MTHFD2L: variants seen among roughly 807,000 people sequenced by gnomAD.
MTHFD2L encodes the protein bifunctional methylenetetrahydrofolate dehydrogenase/cyclohydrolase 2, mitochondrial.
MTHFD2L carries 29 observed loss-of-function variants against 34.9 expected under a neutral mutation model. That is an observed-to-expected ratio of 0.83 (90% confidence interval 0.62 to 1.13). MTHFD2L has a LOEUF of 1.13. Ranked by LOEUF, MTHFD2L falls within the 50% of genes most tolerant of loss-of-function variation. The probability of loss-of-function intolerance (pLI) is 0.00; values close to 1 mark genes in which losing one functional copy is unlikely to be tolerated. For synonymous variants in MTHFD2L, 167 were observed against 155.7 expected, an observed-to-expected ratio of 1.07 and a Z score of -0.54; for missense variants, 481 against 446.5, an observed-to-expected ratio of 1.08 and a Z score of -0.70.
In MTHFD2L at chr4:74,235,598, C is replaced by T. The variant is rs574459638; in HGVS notation, c.805+10204C>T. Among the ~76,000 whole-genome samples, 8 of 152,066 alleles carry T rather than the reference C, an allele frequency of 5.3e-5. No homozygotes were observed. The East Asian group carries it at 1.4e-3, about 26-fold the overall frequency. ...TCATTAATATCAGGGATATTGGACA[C>T]GAATTCATGGATAAAACCATCTAGA... On this transcript the variant is annotated intron_variant, in intron 6 of 7. Coordinates refer to ENST00000325278, the MANE Select transcript of MTHFD2L (RefSeq NM_001144978.3).
chr4:74,218,480 G>C (rs1022945511), intron 5 of MTHFD2L, among the ~76,000 whole-genome samples: 2 of 152,038 alleles, frequency 1.3e-5, no homozygotes, highest in Non-Finnish European at 2.9e-5. Context: ...TTTTGCAAGG[G>C]CGCGGCCAAG....
chr4:74,258,664 T>C (rs1044304879), intron 6 of MTHFD2L, among the ~76,000 whole-genome samples: 1 of 152,156 alleles, frequency 6.6e-6, no homozygotes, highest in Admixed American at 6.5e-5. Context: ...ACATAAAATT[T>C]ATGGAATCGA....
intron 7 of MTHFD2L, among the ~76,000 whole-genome samples, chr4:74,290,866 C>T (rs983947781): frequency 1.8e-4 from 27 of 151,968 alleles, no homozygotes; most frequent in Non-Finnish European, 1.5e-4. Context: ...CTTCTCCTGA[C>T]TCTCCTTACA....
intron 6 of MTHFD2L, among the ~76,000 whole-genome samples, chr4:74,234,074 C>T (rs1009234113): frequency 2.6e-5 from 4 of 152,008 alleles, no homozygotes; most frequent in Non-Finnish European, 5.9e-5. Context: ...TGGAAATATA[C>T]TTTAGATGGT....
At chr4:74,283,241 T>C (rs1368070534) in intron 7 of MTHFD2L, among the ~76,000 whole-genome samples, 1 of 152,174 alleles carries the variant, frequency 6.6e-6, no homozygotes, top group African/African-American at 2.4e-5. Flanking sequence ...GAGTATTTTT[T>C]TGGTCTCATG....
chr4:74,118,926 T>C (rs970652883), upstream of MTHFD2L, among the ~76,000 whole-genome samples: 6 of 152,192 alleles, frequency 3.9e-5, no homozygotes, highest in African/African-American at 1.4e-4. Flanking sequence ...GCATGCTCCT[T>C]ATAAAGTCTA....
intron 6 of MTHFD2L, among the ~76,000 whole-genome samples, chr4:74,239,343 G>T (rs184154912): frequency 6.6e-6 from 1 of 152,034 alleles, no homozygotes; most frequent in African/African-American, 2.4e-5. Context: ...CGTAGTTTGG[G>T]GGGGCAGAGG....
rs568465343 is a variant in MTHFD2L, at chr4:74,259,904, A to G, written c.806-21521A>G. Among the ~76,000 whole-genome samples, 19 of 152,324 alleles carry G rather than the reference A, an allele frequency of 1.2e-4. No homozygotes were observed. In the South Asian group the frequency reaches 3.9e-3, roughly 32 times the overall value. On this transcript the variant is annotated intron_variant, in intron 6 of 7. Coordinates refer to ENST00000325278, the MANE Select transcript of MTHFD2L (RefSeq NM_001144978.3). ...GAAACAGTAGAGCAATCAATTGACA[A>G]TGGAGCCTAAAATTAGGTGTGATAC...
At chr4:74,278,548 C>T (rs1207565397) in intron 6 of MTHFD2L, among the ~76,000 whole-genome samples, 3 of 152,118 alleles carry the variant, frequency 2.0e-5, no homozygotes, top group Non-Finnish European at 4.4e-5. Context: ...GTGACCTTGA[C>T]TCACTCATTT....
intron 5 of MTHFD2L, among the ~76,000 whole-genome samples, chr4:74,220,203 A>C (rs1288598487): frequency 6.6e-6 from 1 of 151,972 alleles, no homozygotes; most frequent in Non-Finnish European, 1.5e-5. Flanking sequence ...CAGGACTAAA[A>C]CAGAGATGGG....
intron 3 of MTHFD2L, 68 bp from the exon 4 acceptor site, chr4:74,199,726 G>A: frequency 7.3e-7 from 1 of 1,363,288 alleles, no homozygotes; most frequent in Non-Finnish European, 1.0e-6. Context: ...TAGATTCTCA[G>A]ATTTCATTTT....
At chr4:74,256,901 C>T (rs1744097592) in intron 6 of MTHFD2L, among the ~76,000 whole-genome samples, 1 of 152,076 alleles carries the variant, frequency 6.6e-6, no homozygotes, top group Admixed American at 6.6e-5. Context: ...GTGATGCTTC[C>T]AGCTTTGTTC....
At chr4:74,262,342 A>G (rs1744781774) in intron 6 of MTHFD2L, among the ~76,000 whole-genome samples, 1 of 151,926 alleles carries the variant, frequency 6.6e-6, no homozygotes, top group South Asian at 2.1e-4. Flanking sequence ...TTTTCTTAGA[A>G]AAGATACACA....
chr4:74,200,067 G>A lies in MTHFD2L; in HGVS notation c.604+121G>A, dbSNP rs776769583. On this transcript the variant is annotated intron_variant, in intron 4 of 7. Coordinates refer to ENST00000325278, the MANE Select transcript of MTHFD2L (RefSeq NM_001144978.3). Reference sequence around the variant, plus strand: ...GACAGAAAATCATAATCCATAAAACGTCAGTGTACAGAGAGATATAAAATT... The same window carrying A: ...GACAGAAAATCATAATCCATAAAACATCAGTGTACAGAGAGATATAAAATT... 57 of 834,804 alleles carry A rather than the reference G, an allele frequency of 6.8e-5. No homozygotes were observed. The Middle Eastern group carries it at 9.5e-4, about 14-fold the overall frequency. 51.7% of individuals were successfully genotyped at this position (834,804 alleles called of 1,614,324 possible).
chr4:74,243,626 GTTTC>G, intron 6 of MTHFD2L, among the ~76,000 whole-genome samples: 1 of 151,840 alleles, frequency 6.6e-6, no homozygotes, highest in East Asian at 1.9e-4. Context: ...CCTGTTCAGA[GTTTC>G]TTTCTCTGCA....
chr4:74,274,334 A>G (rs1336046821), intron 6 of MTHFD2L, among the ~76,000 whole-genome samples: 1 of 152,214 alleles, frequency 6.6e-6, no homozygotes, highest in Non-Finnish European at 1.5e-5. Context: ...ATTCCTTAAA[A>G]AGGGCTTCTT....
upstream of MTHFD2L, among the ~76,000 whole-genome samples, chr4:74,119,147 G>A (rs1330443116): frequency 1.3e-5 from 2 of 152,136 alleles, no homozygotes; most frequent in African/African-American, 4.8e-5. Flanking sequence ...GTGCGTTGAT[G>A]TACTTCAACT....
intron 7 of MTHFD2L, among the ~76,000 whole-genome samples, chr4:74,296,660 C>T (rs896838458): frequency 6.6e-6 from 1 of 152,078 alleles, no homozygotes; most frequent in African/African-American, 2.4e-5. Flanking sequence ...ATATGTATAA[C>T]ATTCCTTTCC....
intron 5 of MTHFD2L, among the ~76,000 whole-genome samples, chr4:74,202,854 A>C (rs1333848771): frequency 1.3e-5 from 2 of 152,172 alleles, no homozygotes; most frequent in African/African-American, 4.8e-5. Flanking sequence ...CTATGTGCTC[A>C]TCATGTACAG....
Sources: gnomAD v4.1 joint callset for allele counts (sites outside exome capture counted in the v4.1 genomes callset) on GRCh38, gnomAD v4.1.1 for gene constraint, MANE v1.5 for transcripts, NCBI Gene and HGNC (gene_info 2026-07-23, HGNC 2026-07-21) for gene names.